The following GALNT1 variants were observed in gnomAD, a reference collection of about 807,000 sequenced individuals.
GALNT1 encodes the protein GalNAc transferase 1.
GALNT1 carries 17 observed loss-of-function variants against 65.7 expected under a neutral mutation model. That is an observed-to-expected ratio of 0.26 (90% confidence interval 0.18 to 0.39). The LOEUF (loss-of-function observed/expected upper bound fraction) is 0.39. GALNT1 is among the 10% of genes least tolerant of loss of function. The pLI is 1.00. For synonymous variants in GALNT1, 210 were observed against 219.7 expected (o/e 0.96, Z 0.39); for missense variants, 460 against 672.8 (o/e 0.68, Z 3.50).
At chr18:35,640,032 A>T (rs920224258) in intron 1 of GALNT1, among the ~76,000 whole-genome samples, 3 of 152,174 alleles carry the variant, frequency 2.0e-5, no homozygotes, top group African/African-American at 7.2e-5. Context: ...TCCTGACCTC[A>T]GGTGATCCCC....
chr18:35,658,081 A>C lies in GALNT1; in HGVS notation c.139+3280A>C, dbSNP rs140475045. On this transcript the variant is annotated intron_variant, in intron 2 of 11. Coordinates refer to ENST00000269195, the MANE Select transcript of GALNT1 (RefSeq NM_020474.4). Reference sequence around the variant, plus strand: ...CTAGTGGCATAAGTTTCAAAGAAAAAGACTGGGTTTTGTACAAAAGTACAA... The same window carrying C: ...CTAGTGGCATAAGTTTCAAAGAAAACGACTGGGTTTTGTACAAAAGTACAA... Among the ~76,000 whole-genome samples, 13 of 152,320 alleles carry C rather than the reference A, an allele frequency of 8.5e-5. No homozygotes were observed. The East Asian group carries it at 2.5e-3, about 29-fold the overall frequency.
chr18:35,698,176 A>G (rs1487052959), intron 9 of GALNT1, among the ~76,000 whole-genome samples: 9 of 152,170 alleles, frequency 5.9e-5, no homozygotes, highest in African/African-American at 2.2e-4. Context: ...ACTGAATTTA[A>G]TTAAAATTAG....
At chr18:35,651,314 C>T (rs2047308628) in intron 1 of GALNT1, among the ~76,000 whole-genome samples, 1 of 152,082 alleles carries the variant, frequency 6.6e-6, no homozygotes, top group Admixed American at 6.6e-5. Context: ...CATAATTTTG[C>T]ACCATAACTA....
At chr18:35,619,256 A>G (rs1017654521) in intron 1 of GALNT1, among the ~76,000 whole-genome samples, 1 of 152,088 alleles carries the variant, frequency 6.6e-6, no homozygotes, top group Non-Finnish European at 1.5e-5. Flanking sequence ...TCTAAAATCT[A>G]CCCCTAACTC....
chr18:35,701,051 CATCTTT>C (rs2048153987), intron 9 of GALNT1, among the ~76,000 whole-genome samples: 2 of 151,802 alleles, frequency 1.3e-5, no homozygotes, highest in African/African-American at 4.8e-5. Flanking sequence ...GATAAATACT[CATCTTT>C]ATCACAATAT....
At chr18:35,646,048 T>C (rs1205116652) in intron 1 of GALNT1, among the ~76,000 whole-genome samples, 1 of 152,164 alleles carries the variant, frequency 6.6e-6, no homozygotes, top group Non-Finnish European at 1.5e-5. Context: ...GAAAAGGGGC[T>C]TAATTGACTC....
At chr18:35,606,347 C>G (rs1165010544) in intron 1 of GALNT1, among the ~76,000 whole-genome samples, 1 of 152,178 alleles carries the variant, frequency 6.6e-6, no homozygotes, top group Non-Finnish European at 1.5e-5. Context: ...GTTTGGTAGG[C>G]AACACTAATG....
At chr18:35,661,368 G>A (rs562518697) in intron 2 of GALNT1, among the ~76,000 whole-genome samples, 9 of 152,124 alleles carry the variant, frequency 5.9e-5, no homozygotes, top group African/African-American at 1.2e-4. Context: ...ATATGGTGGC[G>A]CGTGTCTGTA....
intron 2 of GALNT1, among the ~76,000 whole-genome samples, chr18:35,657,609 A>C (rs2047411166): frequency 6.6e-6 from 1 of 152,194 alleles, no homozygotes; most frequent in African/African-American, 2.4e-5. Flanking sequence ...GAGTGGAATG[A>C]AAAGCCCCAA....
intron 7 of GALNT1, 135 bp downstream of exon 7, chr18:35,689,425 C>CTTTTT: frequency 1.6e-6 from 1 of 606,974 alleles, no homozygotes; most frequent in Non-Finnish European, 2.9e-6. Context: ...GCCTTCAGTC[C>CTTTTT]ATAAAAAGGA....
intron 1 of GALNT1, among the ~76,000 whole-genome samples, chr18:35,608,523 C>G (rs2046678547): frequency 6.6e-6 from 1 of 152,080 alleles, no homozygotes; most frequent in South Asian, 2.1e-4. Flanking sequence ...TAATTTGTAC[C>G]TAGGTTTCTG....
rs1454649978 is a variant in GALNT1 at position 35,710,820 on chromosome 18, C to T, written c.*1050C>T. The T allele has an allele frequency of 2.0e-5, 3 of 152,616 alleles. No homozygotes were observed. Among genetic ancestry groups the T allele is most frequent in the Non-Finnish European group, 4.4e-5 (3 of 68,032 alleles). The allele number at this position is 152,616 out of a possible 1,614,324, so 9.5% of individuals were successfully genotyped here. On this transcript the variant is annotated 3_prime_UTR_variant, in exon 12 of 12. Coordinates refer to ENST00000269195, the MANE Select transcript of GALNT1 (RefSeq NM_020474.4). ...ATGATTCCACTTAACAAAAGGCCTG[C>T]AGAAGTGATTTATTATTTGGGTATT... is the stretch of plus-strand genomic sequence containing the variant.
Position 35,683,533 on chromosome 18 carries a change from G to A in GALNT1, c.624G>A (p.Leu208=). 6.2e-7 allele frequency: 1 copy of A among 1,613,788 alleles called. No homozygotes were observed. The highest frequency in any genetic ancestry group is 8.5e-7 in the Non-Finnish European group (1 of 1,179,832). Residue 208 remains leucine (L), a synonymous_variant, in exon 5 of 12, where the codon CTG becomes CTA. Coordinates refer to ENST00000269195, the MANE Select transcript of GALNT1 (RefSeq NM_020474.4). ...CTAAAGGCCAAGTGATCACCTTCCTGGATGCCCATTGTGAGTGTACAGTGG... is the reference window on the plus strand; with the variant it reads ...CTAAAGGCCAAGTGATCACCTTCCTAGATGCCCATTGTGAGTGTACAGTGG... ...AVSKGQVITF[L]DAHCECTVGW... is the part of the protein sequence containing the mutation.
intron 7 of GALNT1, 123 bp downstream of exon 7, chr18:35,689,413 G>C (rs546295097): frequency 9.4e-6 from 6 of 636,764 alleles, no homozygotes; most frequent in Non-Finnish European, 1.4e-5. Context: ...TGTAACTTCA[G>C]AGCCTTCAGT....
chr18:35,647,792 G>A (rs2047250549), intron 1 of GALNT1, among the ~76,000 whole-genome samples: 1 of 151,994 alleles, frequency 6.6e-6, no homozygotes, highest in Non-Finnish European at 1.5e-5. Flanking sequence ...CAAACTTTCT[G>A]GAGAGCTTTG....
intron 1 of GALNT1, among the ~76,000 whole-genome samples, chr18:35,595,037 G>C (rs1410021821): frequency 1.3e-5 from 2 of 152,130 alleles, no homozygotes; most frequent in Non-Finnish European, 2.9e-5. Context: ...GCTAGATGGT[G>C]CCTTAAAGAT....
chr18:35,631,823 A>C (rs1411680137), intron 1 of GALNT1, among the ~76,000 whole-genome samples: 5 of 152,236 alleles, frequency 3.3e-5, no homozygotes, highest in Non-Finnish European at 7.3e-5. Flanking sequence ...GTCTCAGCCC[A>C]AAATCTCCTT....
At chr18:35,659,937 A>G (rs1420309131) in intron 2 of GALNT1, 39 of 152,176 alleles carry the variant, frequency 2.6e-4, no homozygotes, top group Non-Finnish European at 1.3e-4. Context: ...TAAGGTATAG[A>G]TGATATTTTG....
chr18:35,623,582 A>C (rs2046881903), intron 1 of GALNT1, among the ~76,000 whole-genome samples: 3 of 152,078 alleles, frequency 2.0e-5, no homozygotes, highest in Admixed American at 2.0e-4. Flanking sequence ...ACCACAGCTC[A>C]CTGAGGCTCT....
Sources: allele counts gnomAD v4.1 joint callset (sites outside exome capture counted in the v4.1 genomes callset), GRCh38; gene constraint gnomAD v4.1.1; transcripts MANE v1.5; gene names NCBI Gene and HGNC (gene_info 2026-07-23, HGNC 2026-07-21).